The following USP26 variants were observed in gnomAD, a reference collection of about 807,000 sequenced individuals.
USP26 encodes the protein ubiquitin carboxyl-terminal hydrolase 26.
For missense variants in USP26, 649 were observed against 642.3 expected, an observed-to-expected ratio of 1.01 and a Z score of -0.11; for synonymous variants, 236 against 240.6, an observed-to-expected ratio of 0.98 and a Z score of 0.18.
chrX:133,045,294 G>A (rs1355477702), intron 5 of USP26, among the ~76,000 whole-genome samples: 4 of 111,677 alleles, frequency 3.6e-5, no homozygotes, highest in African/African-American at 1.3e-4. Context: ...GATTGTAAAC[G>A]CACCAATCAG....
At chrX:133,078,914 T>C (rs1156249510) in intron 5 of USP26, among the ~76,000 whole-genome samples, 1 of 112,234 alleles carries the variant, frequency 8.9e-6, no homozygotes, top group Non-Finnish European at 1.9e-5. Flanking sequence ...ACTTTACTAG[T>C]CCAGGTCATT....
chrX:133,036,786 C>T (rs1048184751), intron 5 of USP26, among the ~76,000 whole-genome samples: 1 of 112,455 alleles, frequency 8.9e-6, no homozygotes, highest in Non-Finnish European at 1.9e-5. Context: ...CTAGTTCACA[C>T]TCCCAATAAC....
chrX:133,056,224 G>A (rs906875485), intron 5 of USP26, among the ~76,000 whole-genome samples: 20 of 111,417 alleles, frequency 1.8e-4, no homozygotes, highest in African/African-American at 6.5e-4. Context: ...TATTAGTTCA[G>A]GTACATCAAA....
At chrX:133,085,814 T>C (rs764737780) in intron 4 of USP26, among the ~76,000 whole-genome samples, 4 of 111,235 alleles carry the variant, frequency 3.6e-5, no homozygotes, top group Non-Finnish European at 7.5e-5. Context: ...TTCTACAACA[T>C]TGTTTCCTTA....
intron 5 of USP26, among the ~76,000 whole-genome samples, chrX:133,044,645 G>T (rs2067431889): frequency 8.8e-6 from 1 of 113,247 alleles, no homozygotes; most frequent in Non-Finnish European, 1.9e-5. Context: ...AGCCTGCCAT[G>T]CCTGAGCCTC....
chrX:133,058,074 GGTTTCACCAT>G (rs761855509), intron 5 of USP26, among the ~76,000 whole-genome samples: 3 of 101,405 alleles, frequency 3.0e-5, no homozygotes, highest in African/African-American at 1.1e-4. Context: ...GTAGAGACGG[GGTTTCACCAT>G]GTTAGCCAGG....
intron 5 of USP26, among the ~76,000 whole-genome samples, chrX:133,035,149 T>C (rs1352201171): frequency 1.8e-5 from 2 of 111,604 alleles, no homozygotes; most frequent in African/African-American, 6.5e-5. Context: ...TAAGTCATGA[T>C]ACTGAAAGAA....
At chrX:133,071,651 G>T (rs1248840583) in intron 5 of USP26, among the ~76,000 whole-genome samples, 1 of 111,806 alleles carries the variant, frequency 8.9e-6, no homozygotes, top group Non-Finnish European at 1.9e-5. Flanking sequence ...ATATATAGAA[G>T]CAGGCTTGGT....
rs759213929 is a variant in USP26 at position 133,044,245 on chromosome X, C to T, written c.-76-15949G>A. 1.5e-4 allele frequency among the ~76,000 whole-genome samples: 17 copies of T among 113,495 alleles called. No homozygotes were observed. In the East Asian group the frequency reaches 3.1e-3, roughly 21 times the overall value. ...CCTCGCAGCCCTCGCTCACTCTTGG[C>T]GCCTCCTCAGCCTCAGCGCCCACTC... On this transcript the variant is annotated intron_variant, in intron 5 of 5. Transcript: ENST00000511190.
chrX:133,060,210 A>C (rs1387229849), intron 5 of USP26, among the ~76,000 whole-genome samples: 1 of 110,610 alleles, frequency 9.0e-6, no homozygotes, highest in Non-Finnish European at 1.9e-5. Context: ...ACAGTGTGAC[A>C]TACAGGAGTC....
In USP26 at chrX:133,023,919, G is replaced by A. The variant is rs1347984559; in HGVS notation, c.*1560C>T. Among the ~76,000 whole-genome samples the A allele has an allele frequency of 8.9e-6, 1 of 111,917 alleles. No homozygotes were observed. The highest frequency in any genetic ancestry group is 3.7e-4 in the South Asian group (1 of 2,667). On this transcript the variant is annotated 3_prime_UTR_variant, in exon 6 of 6. Coordinates refer to ENST00000511190, the MANE Select transcript of USP26 (RefSeq NM_031907.3). ...AAGGGGGCATATTCCTATTGGTAAA[G>A]GTGTGACTGAAAATTCAATCCTATG... is the stretch of plus-strand genomic sequence containing the variant.
chrX:133,066,248 T>A (rs1294193728), intron 5 of USP26, among the ~76,000 whole-genome samples: 2 of 111,327 alleles, frequency 1.8e-5, no homozygotes, highest in East Asian at 2.8e-4. Context: ...TGGAAAAAAA[T>A]TCCACACTCA....
At position 133,027,720 on chromosome X, in the gene USP26, A is replaced by G; in HGVS notation, c.501T>C (p.Leu167=). ...GATTTTCTGATAACTCTCCGCAAGT[A>G]AGTGTCAATTTTGATGTAAGCAAAG... is the stretch of plus-strand genomic sequence containing the variant. ...RMPLLTSKLT[L]TCGELSENQH... is the part of the protein sequence containing the mutation. The change falls in exon 6 of 6, where the codon CTT becomes CTC. Residue 167 remains leucine (L), a synonymous_variant. Transcript: ENST00000511190. The G allele has an allele frequency of 8.3e-7, 1 of 1,209,435 alleles. No homozygotes were observed. Among genetic ancestry groups the G allele is most frequent in the Non-Finnish European group, 1.1e-6 (1 of 893,696 alleles).
At chrX:133,067,845 G>A (rs1602984231) in intron 5 of USP26, among the ~76,000 whole-genome samples, 3 of 111,644 alleles carry the variant, frequency 2.7e-5, no homozygotes, top group Admixed American at 9.5e-5. Context: ...CCTATGTGAC[G>A]AACCTGCACA....
rs1433639003 is a variant in USP26 at position 133,026,350 on chromosome X, T to G, written c.1871A>C (p.Gln624Pro). ...QTVFKGASRR[Q>P]QQKYLGKNSK... ...ATTTTTTCCAAGGTACTTTTGCTGCTGTCTTCTGCTTGCCCCTTTAAAGAC... is the reference window on the plus strand; with the variant it reads ...ATTTTTTCCAAGGTACTTTTGCTGCGGTCTTCTGCTTGCCCCTTTAAAGAC... The change falls in exon 6 of 6, where the codon CAG (glutamine) becomes CCG (proline). Residue 624 changes from glutamine to proline, a missense_variant. Coordinates refer to ENST00000511190, the MANE Select transcript of USP26 (RefSeq NM_031907.3). 8.3e-7 allele frequency: 1 copy of G among 1,205,788 alleles called. No homozygotes were observed.
intron 5 of USP26, among the ~76,000 whole-genome samples, chrX:133,081,929 C>T (rs1056738534): frequency 1.3e-4 from 15 of 111,778 alleles, no homozygotes; most frequent in Non-Finnish European, 2.1e-4. Context: ...AGCTGAAAGC[C>T]AGAGGGAGGA....
chrX:133,040,339 C>T (rs187129311), intron 5 of USP26, among the ~76,000 whole-genome samples: 5,608 of 111,016 alleles, frequency 0.051, 347 homozygotes, highest in African/African-American at 0.17. Flanking sequence ...CCGGTTTTTC[C>T]TTCCATATTT....
chrX:133,093,978 C>G (rs754261595), intron 1 of USP26, among the ~76,000 whole-genome samples: 45 of 42,211 alleles, frequency 1.1e-3, no homozygotes, highest in Admixed American at 5.8e-3. Context: ...CAGACCCTGT[C>G]TCAAAAAAAA....
At chrX:133,052,722 AAT>A (rs1298115743) in intron 5 of USP26, among the ~76,000 whole-genome samples, 1 of 112,091 alleles carries the variant, frequency 8.9e-6, no homozygotes, top group Non-Finnish European at 1.9e-5. Context: ...GTAGGAATAG[AAT>A]ATAGTAGACT....
Sources: gnomAD v4.1 joint callset for allele counts (sites outside exome capture counted in the v4.1 genomes callset) on GRCh38, gnomAD v4.1.1 for gene constraint, MANE v1.5 for transcripts, NCBI Gene and HGNC (gene_info 2026-07-23, HGNC 2026-07-21) for gene names.